Variants in FAM20A observed in about 807,000 individuals in gnomAD.
The protein encoded by FAM20A is pseudokinase FAM20A.
FAM20A carries 42 observed loss-of-function variants against 52.0 expected under a neutral mutation model. That is an observed-to-expected ratio of 0.81 (90% CI 0.63 to 1.04). The LOEUF (loss-of-function observed/expected upper bound fraction) is 1.04, where lower values mean the gene tolerates loss of function less well. Among genes scored for constraint, FAM20A ranks in the 50% least tolerant of loss-of-function variants. FAM20A has a pLI of 0.00. For synonymous variants in FAM20A, 304 were observed against 298.9 expected, an observed-to-expected ratio of 1.02 and a Z score of -0.18; for missense variants, 742 against 712.7, an observed-to-expected ratio of 1.04 and a Z score of -0.47.
At chr17:68,552,075 G>T in intron 3 of FAM20A, 124 bp from the exon 4 acceptor site, 5 of 698,216 alleles carry the variant, frequency 7.2e-6, no homozygotes, top group Non-Finnish European at 2.6e-6. Context: ...CTAAAGACTA[G>T]GATGTGCTCT....
chr17:68,552,441 C>G (rs1377427066), intron 3 of FAM20A, among the ~76,000 whole-genome samples: 1 of 152,074 alleles, frequency 6.6e-6, no homozygotes, highest in East Asian at 1.9e-4. Flanking sequence ...CTACTTAAGA[C>G]TGTACACCTG....
intron 1 of FAM20A, among the ~76,000 whole-genome samples, chr17:68,598,370 C>T (rs1215801643): frequency 6.6e-6 from 1 of 152,136 alleles, no homozygotes; most frequent in Non-Finnish European, 1.5e-5. Context: ...TTCATGTTAA[C>T]ATTTACTATC....
intron 1 of FAM20A, among the ~76,000 whole-genome samples, chr17:68,568,915 C>A (rs1205229943): frequency 1.3e-5 from 2 of 151,186 alleles, no homozygotes; most frequent in African/African-American, 4.9e-5. Flanking sequence ...GGGGTGGGAG[C>A]AGGGGTGGGG....
intron 1 of FAM20A, among the ~76,000 whole-genome samples, chr17:68,584,351 A>AC (rs201176543): frequency 0.012 from 1,459 of 122,134 alleles, 25 homozygotes; most frequent in Admixed American, 0.044. Context: ...ACAAAACAAA[A>AC]AAAAAACCCA....
intron 4 of FAM20A, chr17:68,550,971 C>A: frequency 1.0e-6 from 1 of 961,764 alleles, no homozygotes; most frequent in Non-Finnish European, 1.4e-6. Flanking sequence ...CCTTGAATGG[C>A]TGAAGGTTTG....
chr17:68,589,729 T>C (rs1013077847), intron 1 of FAM20A, among the ~76,000 whole-genome samples: 1 of 152,200 alleles, frequency 6.6e-6, no homozygotes, highest in Non-Finnish European at 1.5e-5. Context: ...ATGTATGAAA[T>C]AGACACAATT....
At chr17:68,547,222 T>C (rs1174729977) in intron 4 of FAM20A, among the ~76,000 whole-genome samples, 2 of 152,218 alleles carry the variant, frequency 1.3e-5, no homozygotes, top group Non-Finnish European at 2.9e-5. Flanking sequence ...CCAGCGACAT[T>C]ATCACCTAAC....
rs2088611880 is a variant in FAM20A at position 68,601,086 on chromosome 17, C to T, written c.-420G>A. The T allele has an allele frequency of 6.6e-6, 1 of 151,652 alleles. No homozygotes were observed. The highest frequency in any genetic ancestry group is 1.9e-4 in the East Asian group (1 of 5,160). 9.4% of individuals were successfully genotyped at this position (151,652 alleles called of 1,614,324 possible). A position where few individuals can be genotyped will look rare whatever the true frequency, so the allele number is the denominator to read the frequency against. ...GCGGAGGGCGGACGGAGGCCGCCGG[C>T]TGCAAAGCCCGGGGCGTCTCTCCTG... On this transcript the variant is annotated 5_prime_UTR_variant, in exon 1 of 11. Transcript: ENST00000592554.
At chr17:68,553,868 A>G (rs1223099223) in intron 3 of FAM20A, among the ~76,000 whole-genome samples, 2 of 149,698 alleles carry the variant, frequency 1.3e-5, no homozygotes, top group Non-Finnish European at 3.0e-5. Flanking sequence ...ACATATATAC[A>G]CACATGCATA....
chr17:68,565,383 C>CTTTTTTTTTTTTTTTTTTT (rs796800181), intron 1 of FAM20A, among the ~76,000 whole-genome samples: 6 of 103,796 alleles, frequency 5.8e-5, no homozygotes, highest in African/African-American at 2.6e-4. Flanking sequence ...CCATTACCTC[C>CTTTTTTTTTTTTTTTTTTT]TTTTTTTTTT....
At chr17:68,572,321 T>A (rs888651333) in intron 1 of FAM20A, among the ~76,000 whole-genome samples, 2 of 152,258 alleles carry the variant, frequency 1.3e-5, no homozygotes, top group African/African-American at 4.8e-5. Flanking sequence ...TGAGGCTTCA[T>A]CAGCTTCATG....
chr17:68,598,167 T>A (rs1343579698), intron 1 of FAM20A: 1 of 151,730 alleles, frequency 6.6e-6, no homozygotes, highest in Non-Finnish European at 1.5e-5. Context: ...CCACTGGCTA[T>A]TTTTTTTGTT....
intron 1 of FAM20A, among the ~76,000 whole-genome samples, chr17:68,573,658 C>T (rs972066541): frequency 2.7e-5 from 4 of 147,958 alleles, no homozygotes; most frequent in African/African-American, 1.0e-4. Flanking sequence ...TTCCTTTCTT[C>T]CTTTCTTTTC....
chr17:68,569,387 C>G (rs971830719), intron 1 of FAM20A, among the ~76,000 whole-genome samples: 4 of 152,228 alleles, frequency 2.6e-5, no homozygotes, highest in Admixed American at 1.3e-4. Flanking sequence ...CACTGGGACT[C>G]TCTTTGATCA....
At position 68,600,941 on chromosome 17, in the gene FAM20A, C is replaced by T; in HGVS notation, c.-275G>A. 1 of 384,374 alleles carries T rather than the reference C, an allele frequency of 2.6e-6. No individual in the cohort carries two copies. The highest frequency in any genetic ancestry group is 4.6e-6 in the Non-Finnish European group (1 of 217,894). The allele number at this position is 384,374 out of a possible 1,614,324, so 23.8% of individuals were successfully genotyped here. A position where few individuals can be genotyped will look rare whatever the true frequency, so the allele number is the denominator to read the frequency against. On this transcript the variant is annotated 5_prime_UTR_variant, in exon 1 of 11. Coordinates refer to ENST00000592554, the MANE Select transcript of FAM20A (RefSeq NM_017565.4). The surrounding 1 kb of genome is among the most constrained non-coding windows in gnomAD (Gnocchi z 6.2). ...GGGAATGGGGTTCCCGGGGTGCCCG[C>T]TTCTTGCGCCTTTTCTCCCGTGCGC...
In FAM20A at chr17:68,542,778, C is replaced by A. The variant is rs372691559; in HGVS notation, c.844G>T (p.Val282Leu). 1 of 1,614,074 alleles carries A rather than the reference C, an allele frequency of 6.2e-7. No individual in the cohort carries two copies. Among genetic ancestry groups the A allele is most frequent in the South Asian group, 1.1e-5 (1 of 91,090 alleles). ...TTGGTGACATTTACTATCCTCCCCA[C>A]TGTTGGCGGCACCCGTCGGAAGTCC... ...ILDFRRVPPT[V>L]GRIVNVTKEI... is the part of the protein sequence containing the mutation. Residue 282 changes from valine (V) to leucine (L), a missense_variant, in exon 6 of 11, where the codon GTG (valine) becomes TTG (leucine). Transcript: ENST00000592554.
chr17:68,592,954 C>T (rs2088354173), intron 1 of FAM20A, among the ~76,000 whole-genome samples: 1 of 152,210 alleles, frequency 6.6e-6, no homozygotes, highest in Admixed American at 6.5e-5. Flanking sequence ...CAAAGCCAGG[C>T]TACAGGGATT....
chr17:68,589,818 G>A (rs1386764878), intron 1 of FAM20A, among the ~76,000 whole-genome samples: 1 of 152,130 alleles, frequency 6.6e-6, no homozygotes, highest in East Asian at 1.9e-4. Context: ...AAACAAGAAG[G>A]ATAATACGAT....
chr17:68,574,825 A>G (rs76652516), intron 1 of FAM20A, among the ~76,000 whole-genome samples: 10 of 152,298 alleles, frequency 6.6e-5, no homozygotes, highest in Non-Finnish European at 8.8e-5. Context: ...GGGCTTGTAC[A>G]TACCCTATGT....
Sources: allele counts gnomAD v4.1 joint callset (sites outside exome capture counted in the v4.1 genomes callset), GRCh38; gene constraint gnomAD v4.1.1; non-coding constraint Gnocchi (gnomAD v3.1); transcripts MANE v1.5; gene names NCBI Gene and HGNC (gene_info 2026-07-23, HGNC 2026-07-21).